Variants in PDE7A observed in about 807,000 individuals in gnomAD.
PDE7A encodes the protein high affinity 3',5'-cyclic-AMP phosphodiesterase 7A.
PDE7A carries 39 observed loss-of-function variants against 64.3 expected under a neutral mutation model. The ratio of observed to expected loss-of-function variants is 0.61; its 90% CI spans 0.47 to 0.79. PDE7A has a LOEUF of 0.79. Ranked by LOEUF, PDE7A falls within the 30% of genes least tolerant of loss-of-function variation. The probability of loss-of-function intolerance (pLI) is 0.00; values close to 1 mark genes in which losing one functional copy is unlikely to be tolerated. For missense variants in PDE7A, 470 were observed against 582.8 expected, an observed-to-expected ratio of 0.81 and a Z score of 1.99; for synonymous variants, 203 against 206.8, an observed-to-expected ratio of 0.98 and a Z score of 0.16.
chr8:65,729,277 C>T (rs1284023149), intron 7 of PDE7A, among the ~76,000 whole-genome samples: 2 of 150,152 alleles, frequency 1.3e-5, no homozygotes, highest in African/African-American at 4.9e-5. Flanking sequence ...TTGCTGTGTT[C>T]AGTGAAAAGC....
At chr8:65,728,149 C>T (rs969549249) in intron 7 of PDE7A, 3 of 152,130 alleles carry the variant, frequency 2.0e-5, no homozygotes, top group African/African-American at 2.4e-5. Flanking sequence ...TTTAGGTTTA[C>T]GTTAGGACAG....
At chr8:65,799,340 T>A (rs192614869) in intron 1 of PDE7A, among the ~76,000 whole-genome samples, 2 of 151,646 alleles carry the variant, frequency 1.3e-5, no homozygotes, top group Non-Finnish European at 2.9e-5. Flanking sequence ...AACAAGAGGG[T>A]TGAGACCACA....
chr8:65,836,442 T>C (rs1810954596), intron 1 of PDE7A, among the ~76,000 whole-genome samples: 1 of 152,290 alleles, frequency 6.6e-6, no homozygotes, highest in East Asian at 1.9e-4. Context: ...TAATATATGA[T>C]TGGAGATGAA....
At chr8:65,834,758 G>C (rs553531134) in intron 1 of PDE7A, among the ~76,000 whole-genome samples, 1 of 152,264 alleles carries the variant, frequency 6.6e-6, no homozygotes, top group South Asian at 2.1e-4. Context: ...TGGAGGCATG[G>C]AGCAGTGTTC....
At chr8:65,773,402 C>A (rs1169802004) in intron 3 of PDE7A, among the ~76,000 whole-genome samples, 1 of 152,146 alleles carries the variant, frequency 6.6e-6, no homozygotes, top group Admixed American at 6.5e-5. Flanking sequence ...CATTTGTCAC[C>A]TTTTATGAAC....
chr8:65,732,704 G>A (rs1374602991), intron 7 of PDE7A, among the ~76,000 whole-genome samples: 2 of 152,146 alleles, frequency 1.3e-5, no homozygotes, highest in Non-Finnish European at 2.9e-5. Flanking sequence ...GTAGAGATGG[G>A]ATCTTGCTAT....
At chr8:65,824,262 T>A (rs774417574) in intron 1 of PDE7A, among the ~76,000 whole-genome samples, 6 of 152,182 alleles carry the variant, frequency 3.9e-5, no homozygotes, top group African/African-American at 7.2e-5. Flanking sequence ...ATTGTAATTG[T>A]CTGGGGCGCC....
intron 3 of PDE7A, among the ~76,000 whole-genome samples, chr8:65,770,062 G>C (rs953840215): frequency 4.0e-5 from 6 of 151,794 alleles, no homozygotes; most frequent in African/African-American, 1.2e-4. Flanking sequence ...ATAGTATAAA[G>C]AACACTCTAT....
At position 65,841,926 on chromosome 8, in the gene PDE7A, C is replaced by A. The variant is rs1035682722; in HGVS notation, c.-418G>T. The A allele has an allele frequency of 1.3e-5, 3 of 225,202 alleles. No individual in the cohort carries two copies. Among genetic ancestry groups the A allele is most frequent in the Non-Finnish European group, 2.5e-5 (3 of 118,938 alleles). The allele number at this position is 225,202 out of a possible 1,614,324, so 14.0% of individuals were successfully genotyped here. On this transcript the variant is annotated 5_prime_UTR_variant, in exon 1 of 13. Transcript: ENST00000401827. ...AGACAGCTGGAGCCAGCGGCCAGAC[C>A]CAGGGCGCGCGGGACTCAGGAGCAG...
intron 1 of PDE7A, among the ~76,000 whole-genome samples, chr8:65,813,674 T>C (rs1228781641): frequency 1.3e-5 from 2 of 152,254 alleles, no homozygotes. Context: ...TTTAATGTAA[T>C]CTTTTTGACA....
chr8:65,768,047 C>A (rs1005001910), intron 3 of PDE7A, among the ~76,000 whole-genome samples: 2 of 152,108 alleles, frequency 1.3e-5, no homozygotes, highest in Non-Finnish European at 2.9e-5. Flanking sequence ...AGTGTTGGAA[C>A]TGAATTAGAG....
chr8:65,760,926 G>A (rs974228494), intron 3 of PDE7A, among the ~76,000 whole-genome samples: 2 of 93,770 alleles, frequency 2.1e-5, no homozygotes, highest in African/African-American at 7.7e-5. Flanking sequence ...TAGGAATACA[G>A]GAGAGAGGAT....
At chr8:65,801,206 T>C (rs74651035) in intron 1 of PDE7A, among the ~76,000 whole-genome samples, 8,696 of 152,260 alleles carry the variant, frequency 0.057, 355 homozygotes, top group Middle Eastern at 0.11. Flanking sequence ...TACTGTTAAC[T>C]GGGTGGAGTG....
At chr8:65,725,866 A>G (rs922294197) in intron 9 of PDE7A, among the ~76,000 whole-genome samples, 1 of 152,214 alleles carries the variant, frequency 6.6e-6, no homozygotes, top group Non-Finnish European at 1.5e-5. Context: ...TCTTAATTTT[A>G]AGAACCCATA....
At chr8:65,808,627 G>T (rs1485519822) in intron 1 of PDE7A, among the ~76,000 whole-genome samples, 1 of 152,028 alleles carries the variant, frequency 6.6e-6, no homozygotes, top group East Asian at 1.9e-4. Context: ...TATTATTTTT[G>T]CATGTTCTTT....
At chr8:65,779,055 T>C (rs1328505337) in intron 3 of PDE7A, among the ~76,000 whole-genome samples, 3 of 152,246 alleles carry the variant, frequency 2.0e-5, no homozygotes, top group Non-Finnish European at 4.4e-5. Flanking sequence ...GTTCTGGACT[T>C]ATCTCTCTGC....
At position 65,841,965 on chromosome 8, in the gene PDE7A, C is replaced by CCGCCGCCGA. The variant is rs1811106434; in HGVS notation, c.-458_-457insTCGGCGGCG. Reference sequence around the variant, plus strand: ...ACTCAGGAGCAGCGACCAGCTCGGGCCGCCGCCGCCGCCGCCGCCGCCGCC... The same window carrying CCGCCGCCGA: ...ACTCAGGAGCAGCGACCAGCTCGGGCCGCCGCCGACGCCGCCGCCGCCGCCGCCGCCGCC... On this transcript the variant is annotated 5_prime_UTR_variant, in exon 1 of 13. Transcript: ENST00000401827. 5.6e-6 allele frequency: 1 copy of CCGCCGCCGA among 178,304 alleles called. No individual in the cohort carries two copies. Among genetic ancestry groups the CCGCCGCCGA allele is most frequent in the Non-Finnish European group, 9.7e-6 (1 of 102,578 alleles). 11.0% of individuals were successfully genotyped at this position (178,304 alleles called of 1,614,324 possible).
chr8:65,823,805 TTAA>T (rs1224244302), intron 1 of PDE7A, among the ~76,000 whole-genome samples: 1 of 152,168 alleles, frequency 6.6e-6, no homozygotes, highest in Non-Finnish European at 1.5e-5. Flanking sequence ...AAAACTTTTA[TTAA>T]TAATAAACGT....
At chr8:65,782,986 C>T in intron 1 of PDE7A, 143 bp from the exon 2 acceptor site, 3 of 597,808 alleles carry the variant, frequency 5.0e-6, no homozygotes, top group Non-Finnish European at 9.0e-6. Context: ...AGCTATGGTA[C>T]CTGTTCTTGA....
Sources: allele counts gnomAD v4.1 joint callset (sites outside exome capture counted in the v4.1 genomes callset), GRCh38; gene constraint gnomAD v4.1.1; transcripts MANE v1.5; gene names NCBI Gene and HGNC (gene_info 2026-07-23, HGNC 2026-07-21).